The following ODAD2 variants were observed in gnomAD, a reference collection of about 807,000 sequenced individuals.
ODAD2 encodes outer dynein arm docking complex subunit 2.
Under a neutral mutation model 106.8 loss-of-function variants are expected in ODAD2, and 89 were observed. That is an observed-to-expected ratio of 0.83 (90% CI 0.70 to 0.99). ODAD2 has a LOEUF of 0.99. ODAD2 is among the 50% of genes least tolerant of loss of function. The pLI is 0.00. For missense variants in ODAD2, 1,168 were observed against 1,238.5 expected (o/e 0.94, Z 0.85); for synonymous variants, 404 against 436.2 (o/e 0.93, Z 0.92).
chr10:27,852,859 G>A (rs1839367138), intron 19 of ODAD2, among the ~76,000 whole-genome samples: 2 of 151,594 alleles, frequency 1.3e-5, no homozygotes, highest in Non-Finnish European at 2.9e-5. Flanking sequence ...TACTCAGGAG[G>A]CTGAGGCAGG....
rs181876457 is a variant in ODAD2, at chr10:27,900,982, C to T, written c.2610+6681G>A. 5.5e-3 allele frequency among the ~76,000 whole-genome samples: 835 copies of T among 152,102 alleles called. 6 individuals carry two copies. Among genetic ancestry groups the T allele is most frequent in the African/African-American group, 0.019 (791 of 41,476 alleles). ...CAGAGAACACCACAAAGATACTCCT[C>T]GAGAAGAACAACCCCAAGACACATA... On this transcript the variant is annotated intron_variant, in intron 17 of 19. Transcript: ENST00000305242.
intron 19 of ODAD2, among the ~76,000 whole-genome samples, chr10:27,817,284 T>A (rs535166902): frequency 6.6e-6 from 1 of 152,318 alleles, no homozygotes; most frequent in South Asian, 2.1e-4. Flanking sequence ...TGATCTATGG[T>A]TCAGAATTTT....
Position 27,987,270 on chromosome 10 carries a change from T to C in ODAD2, c.382+116A>G, listed in dbSNP as rs1466768300. 3.3e-6 allele frequency: 3 copies of C among 902,014 alleles called. No individual in the cohort carries two copies. In the East Asian group the frequency reaches 7.7e-5, roughly 23 times the overall value. The allele number at this position is 902,014 out of a possible 1,614,324, so 55.9% of individuals were successfully genotyped here. On this transcript the variant is annotated intron_variant, in intron 3 of 19. Transcript: ENST00000305242. ...GTTGTACATTTGACTTTTTACCTTG[T>C]AGATTGTAGAATCTTTTTCAAGAGA... is the stretch of plus-strand genomic sequence containing the variant.
intron 17 of ODAD2, among the ~76,000 whole-genome samples, chr10:27,901,588 C>A (rs1843207335): frequency 6.6e-6 from 1 of 152,082 alleles, no homozygotes; most frequent in South Asian, 2.1e-4. Flanking sequence ...CAAAGACAGA[C>A]ATAGGCTCAA....
intron 2 of ODAD2, among the ~76,000 whole-genome samples, chr10:27,988,710 A>G (rs1463651871): frequency 6.6e-6 from 1 of 152,194 alleles, no homozygotes; most frequent in Non-Finnish European, 1.5e-5. Flanking sequence ...GAAAAAGTAA[A>G]TCTGACCAAC....
chr10:27,978,135 AAATTGTGGCATATCCATACAATGGAAT>A (rs1849312662), intron 7 of ODAD2, among the ~76,000 whole-genome samples: 1 of 152,242 alleles, frequency 6.6e-6, no homozygotes. Context: ...GTGGATAAAC[AAATTGTGGCATATCCATACAATGGAAT>A]AATACACATC....
chr10:27,876,152 C>T (rs1841324873), intron 17 of ODAD2, among the ~76,000 whole-genome samples: 1 of 152,174 alleles, frequency 6.6e-6, no homozygotes, highest in African/African-American at 2.4e-5. Context: ...CAGCAGAAAC[C>T]TCTGCAGACT....
chr10:27,898,042 A>G (rs950019043), intron 17 of ODAD2, among the ~76,000 whole-genome samples: 1 of 152,192 alleles, frequency 6.6e-6, no homozygotes. Flanking sequence ...TTAGATTTGG[A>G]GTTGAAATTC....
rs148764188 is a variant in ODAD2 at position 27,936,760 on chromosome 10, A to G, written c.2218T>C (p.Trp740Arg). Residue 740 changes from tryptophan to arginine, a missense_variant, in exon 15 of 20, where the codon TGG becomes CGG. Trp to Arg is a moderately radical substitution (Grantham distance 101). Transcript: ENST00000305242. ...TTCTCTTTGCTGATGGAACATTTCC[A>G]TATAGCCCCTGTGACAGCAGCTAAC... ...ERLAAVTGAI[W>R]KCSISKENVT... 146 of 1,614,064 alleles carry G rather than the reference A, an allele frequency of 9.0e-5. No individual in the cohort carries two copies. In the African/African-American group the frequency reaches 1.7e-3, roughly 19 times the overall value.
At chr10:27,860,217 C>T (rs2368267) in intron 19 of ODAD2, among the ~76,000 whole-genome samples, 1,707 of 152,212 alleles carry the variant, frequency 0.011, 31 homozygotes, top group African/African-American at 0.038. Context: ...TTTGGGAGGC[C>T]GAAGCAGGAG....
intron 2 of ODAD2, among the ~76,000 whole-genome samples, chr10:27,988,647 A>G (rs554969623): frequency 1.6e-4 from 24 of 152,238 alleles, no homozygotes; most frequent in Non-Finnish European, 2.8e-4. Flanking sequence ...CTGATCTAAC[A>G]TATTTTGAAT....
intron 17 of ODAD2, among the ~76,000 whole-genome samples, chr10:27,886,849 G>T (rs1252868579): frequency 6.6e-6 from 1 of 151,908 alleles, no homozygotes; most frequent in Non-Finnish European, 1.5e-5. Context: ...TAAGCTCCAT[G>T]TTAGTAACCA....
chr10:27,904,745 T>C (rs1284497671), intron 17 of ODAD2, among the ~76,000 whole-genome samples: 2 of 152,208 alleles, frequency 1.3e-5, no homozygotes, highest in Non-Finnish European at 2.9e-5. Context: ...TTATTTTCCA[T>C]AGAAGCTTTA....
chr10:27,934,716 C>G (rs1845843001), intron 16 of ODAD2, among the ~76,000 whole-genome samples: 1 of 152,098 alleles, frequency 6.6e-6, no homozygotes, highest in Non-Finnish European at 1.5e-5. Context: ...ATGTATAATA[C>G]TTCCCTAGGA....
intron 17 of ODAD2, among the ~76,000 whole-genome samples, chr10:27,870,932 T>C (rs937705966): frequency 2.6e-5 from 4 of 152,216 alleles, no homozygotes; most frequent in African/African-American, 9.7e-5. Context: ...ATCGCCACAC[T>C]GTCTTCCACA....
At chr10:27,894,928 A>C (rs1232438331) in intron 17 of ODAD2, among the ~76,000 whole-genome samples, 1 of 151,944 alleles carries the variant, frequency 6.6e-6, no homozygotes, top group Non-Finnish European at 1.5e-5. Context: ...TAATTATGTA[A>C]ATGAATTATG....
chr10:27,828,010 A>G (rs946685044), intron 19 of ODAD2, among the ~76,000 whole-genome samples: 1 of 152,348 alleles, frequency 6.6e-6, no homozygotes, highest in East Asian at 1.9e-4. Flanking sequence ...GGGGAGAACC[A>G]GGAGGCCATG....
At position 27,910,997 on chromosome 10, in the gene ODAD2, G is replaced by T. The variant is rs186053355; in HGVS notation, c.2496-3220C>A. Among the ~76,000 whole-genome samples the T allele has an allele frequency of 3.5e-3, 539 of 152,252 alleles. 5 individuals carry two copies. Among genetic ancestry groups the T allele is most frequent in the African/African-American group, 0.012 (500 of 41,556 alleles). On this transcript the variant is annotated intron_variant, in intron 16 of 19. Transcript: ENST00000305242. ...AAAGACACCTTATTAAATATAGATT[G>T]TTGAATCATGAATATTGGACTTATG...
At chr10:27,887,352 C>G (rs1047303569) in intron 17 of ODAD2, among the ~76,000 whole-genome samples, 12 of 151,896 alleles carry the variant, frequency 7.9e-5, no homozygotes, top group African/African-American at 2.9e-4. Context: ...ATAAATGAAG[C>G]AAACATTGAC....
Sources: gnomAD v4.1 joint callset for allele counts (sites outside exome capture counted in the v4.1 genomes callset) on GRCh38, gnomAD v4.1.1 for gene constraint, MANE v1.5 for transcripts, NCBI Gene and HGNC (gene_info 2026-07-23, HGNC 2026-07-21) for gene names.